ANKMY1: variants seen among roughly 807,000 people sequenced by gnomAD.
The protein encoded by ANKMY1 is ankyrin repeat and MYND domain-containing protein 1.
ANKMY1 carries 98 observed loss-of-function variants against 102.0 expected under a neutral mutation model. The observed-to-expected ratio is 0.96, with a 90% confidence interval of 0.82 to 1.14. ANKMY1 has a LOEUF of 1.14. ANKMY1 is among the 50% of genes most tolerant of loss of function. The probability of loss-of-function intolerance (pLI) is 0.00; values close to 1 mark genes in which losing one functional copy is unlikely to be tolerated. For synonymous variants in ANKMY1, 582 were observed against 559.9 expected (o/e 1.04, Z -0.56); for missense variants, 1,330 against 1,347.6 (o/e 0.99, Z 0.20).
intron 4 of ANKMY1, among the ~76,000 whole-genome samples, chr2:240,548,149 A>C (rs938271747): frequency 5.3e-5 from 8 of 152,176 alleles, no homozygotes; most frequent in African/African-American, 1.9e-4. Flanking sequence ...GCAGCACATC[A>C]AAAAGCTTAT....
Position 240,529,395 on chromosome 2 carries a change from G to C in ANKMY1, c.595C>G (p.Pro199Ala), listed in dbSNP as rs1012479561. The change falls in exon 5 of 18, where the codon CCC becomes GCC. Residue 199 changes from proline to alanine, a missense_variant. Pro to Ala is a conservative substitution (Grantham distance 27, BLOSUM62 -1). Coordinates refer to ENST00000401804, the MANE Select transcript of ANKMY1 (RefSeq NM_001282771.3). The surrounding 1 kb of genome is among the most constrained non-coding windows in gnomAD (Gnocchi z 4.2). ...EQLIKLCTQI[P>A]SGFSLLRYPE... ...TATCTGAGGAGGGAGAAGCCACTGGGGATCTGGGTGCACAGCTTGATGAGC... is the reference window on the plus strand; with the variant it reads ...TATCTGAGGAGGGAGAAGCCACTGGCGATCTGGGTGCACAGCTTGATGAGC... 6.2e-7 allele frequency: 1 copy of C among 1,614,032 alleles called. No individual in the cohort carries two copies. Among genetic ancestry groups the C allele is most frequent in the Non-Finnish European group, 8.5e-7 (1 of 1,180,040 alleles).
intron 4 of ANKMY1, among the ~76,000 whole-genome samples, chr2:240,548,514 G>A (rs992383644): frequency 1.3e-5 from 2 of 151,888 alleles, no homozygotes; most frequent in African/African-American, 4.8e-5. Context: ...TTCTGGCCAG[G>A]GCAATTAGGC....
At chr2:240,534,794 CA>C (rs893882488) in intron 4 of ANKMY1, among the ~76,000 whole-genome samples, 2 of 151,794 alleles carry the variant, frequency 1.3e-5, no homozygotes, top group African/African-American at 4.8e-5. Flanking sequence ...AATGAGCAGT[CA>C]AAAAAAGCAT....
At chr2:240,528,998 T>G (rs2084581481) in intron 5 of ANKMY1, 39 bp downstream of exon 5, 1 of 1,593,726 alleles carries the variant, frequency 6.3e-7, no homozygotes, top group East Asian at 2.2e-5. Flanking sequence ...GCCTGCACAG[T>G]GCACGGCCCT....
upstream of ANKMY1, chr2:240,558,654 G>C (rs1327603445): frequency 1.3e-5 from 2 of 152,266 alleles, no homozygotes; most frequent in East Asian, 3.8e-4. Context: ...GAGGTGCAGG[G>C]CTTGCGTTTT....
At chr2:240,475,662 T>C (rs2074804719), downstream of ANKMY1, among the ~76,000 whole-genome samples, 1 of 151,882 alleles carries the variant, frequency 6.6e-6, no homozygotes, top group Non-Finnish European at 1.5e-5. Context: ...AGATAGTTCA[T>C]TGTTAGTGCA....
At chr2:240,553,508 T>G (rs1422301602) in intron 3 of ANKMY1, 1 of 182,220 alleles carries the variant, frequency 5.5e-6, no homozygotes, top group African/African-American at 2.4e-5. Context: ...GATTTATAAC[T>G]CTTCAGCACT....
chr2:240,473,502 G>C, the ANKMY1 span, among the ~76,000 whole-genome samples: 2 of 139,488 alleles, frequency 1.4e-5, no homozygotes, highest in Non-Finnish European at 3.1e-5. Context: ...GAATAAAAAG[G>C]AGTAAGTATT....
At position 240,525,546 on chromosome 2, in the gene ANKMY1, C is replaced by G. The variant is rs558044983; in HGVS notation, c.1335+139G>C. 36 of 1,122,142 alleles carry G rather than the reference C, an allele frequency of 3.2e-5. 1 individual carries two copies. In the South Asian group the frequency reaches 5.6e-4, roughly 17 times the overall value. 69.5% of individuals were successfully genotyped at this position (1,122,142 alleles called of 1,614,324 possible). A position where few individuals can be genotyped will look rare whatever the true frequency, so the allele number is the denominator to read the frequency against. On this transcript the variant is annotated intron_variant, in intron 7 of 17. Transcript: ENST00000401804. ...CTTAGGGGATGCCCAGGCTCTGTCT[C>G]TCTTGCCCACTCCCTGCCTTATAAC...
At chr2:240,525,879 G>T in intron 6 of ANKMY1, 30 bp from the exon 7 acceptor site, 1 of 1,608,924 alleles carries the variant, frequency 6.2e-7, no homozygotes, top group Non-Finnish European at 8.5e-7. Context: ...GACTCAGGAT[G>T]ATGCACCTGG....
chr2:240,521,882 T>C (rs1430624466), intron 8 of ANKMY1: 1 of 152,246 alleles, frequency 6.6e-6, no homozygotes, highest in Non-Finnish European at 1.5e-5. Context: ...AGAATGAAGC[T>C]GTGGACCTTC....
rs1181668618 is a variant in ANKMY1, at chr2:240,557,214, T to C, written c.122A>G (p.Lys41Arg). 6.4e-7 allele frequency: 1 copy of C among 1,574,780 alleles called. No homozygotes were observed. Among genetic ancestry groups the C allele is most frequent in the Admixed American group, 1.8e-5 (1 of 55,302 alleles). The change falls in exon 2 of 18, where the codon AAG becomes AGG. Residue 41 changes from lysine to arginine, a missense_variant. Coordinates refer to ENST00000401804, the MANE Select transcript of ANKMY1 (RefSeq NM_001282771.3). ...TPAAEEPGSLKNYAVFATRDV... is the reference protein window; with the variant it reads ...TPAAEEPGSLRNYAVFATRDV... ...CCTTGTGGCGAAGACAGCGTAGTTCTTCAGGGACCCCGGCTCCTCGGCAGC... is the reference window on the plus strand; with the variant it reads ...CCTTGTGGCGAAGACAGCGTAGTTCCTCAGGGACCCCGGCTCCTCGGCAGC...
intron 5 of ANKMY1, 101 bp from the exon 6 acceptor site, chr2:240,526,546 T>C: frequency 5.2e-6 from 8 of 1,537,554 alleles, no homozygotes; most frequent in Non-Finnish European, 7.0e-6. Flanking sequence ...CTCCCTCTTG[T>C]GGCTCAGCCC....
intron 2 of ANKMY1, among the ~76,000 whole-genome samples, chr2:240,556,825 G>A (rs1345103987): frequency 6.6e-6 from 1 of 152,162 alleles, no homozygotes; most frequent in East Asian, 1.9e-4. Context: ...GTGACAGGGG[G>A]ACCTCGTGAG....
At chr2:240,524,406 C>T (rs1391083823) in intron 7 of ANKMY1, 25 bp from the exon 8 acceptor site, 3 of 1,574,020 alleles carry the variant, frequency 1.9e-6, no homozygotes, top group African/African-American at 2.7e-5. Context: ...AAAAAAGTGT[C>T]ATTAGAATAA....
At chr2:240,538,153 CCT>C (rs1345762367) in intron 4 of ANKMY1, among the ~76,000 whole-genome samples, 4 of 152,238 alleles carry the variant, frequency 2.6e-5, no homozygotes, top group African/African-American at 4.8e-5. Context: ...CTCGGCGCCT[CCT>C]CTGACTCCGC....
chr2:240,516,843 G>A (rs2152283945), intron 9 of ANKMY1, among the ~76,000 whole-genome samples: 1 of 152,338 alleles, frequency 6.6e-6, no homozygotes, highest in South Asian at 2.1e-4. Flanking sequence ...GTGAAGCAAA[G>A]CAGGAGGTGA....
chr2:240,500,984 G>A (rs928344803), intron 13 of ANKMY1, among the ~76,000 whole-genome samples: 8 of 152,222 alleles, frequency 5.3e-5, no homozygotes, highest in African/African-American at 4.8e-5. Flanking sequence ...ACAAGACAGC[G>A]AGTGCACGCG....
At chr2:240,521,957 T>C (rs1030938150) in intron 8 of ANKMY1, 21 of 152,246 alleles carry the variant, frequency 1.4e-4, no homozygotes, top group African/African-American at 4.6e-4. Flanking sequence ...GCAAGATTTA[T>C]TGTGAAGACT....
Sources: allele counts gnomAD v4.1 joint callset (sites outside exome capture counted in the v4.1 genomes callset), GRCh38; gene constraint gnomAD v4.1.1; non-coding constraint Gnocchi (gnomAD v3.1); transcripts MANE v1.5; gene names NCBI Gene and HGNC (gene_info 2026-07-23, HGNC 2026-07-21).